Variants in TBX15 observed in about 807,000 individuals in gnomAD.
TBX15 encodes the protein T-box transcription factor 15, also known as T-box transcription factor TBX15.
A neutral mutation model predicts 53.9 loss-of-function variants in TBX15; 18 were observed. That is an observed-to-expected ratio of 0.33 (90% CI 0.23 to 0.49). The LOEUF (loss-of-function observed/expected upper bound fraction) is 0.49, where lower values mean the gene tolerates loss of function less well. Ranked by LOEUF, TBX15 falls within the 20% of genes least tolerant of loss-of-function variation. The probability of loss-of-function intolerance (pLI) is 0.98; values close to 1 mark genes in which losing one functional copy is unlikely to be tolerated. For missense variants in TBX15, 692 were observed against 749.5 expected (o/e 0.92, Z 0.90); for synonymous variants, 295 against 278.0 (o/e 1.06, Z -0.61).
At chr1:118,951,484 C>A (rs554486813) in intron 1 of TBX15, among the ~76,000 whole-genome samples, 15 of 152,330 alleles carry the variant, frequency 9.8e-5, no homozygotes, top group Admixed American at 7.2e-4. Context: ...GAGCCCAGGG[C>A]AGGAGAGGCA....
intron 1 of TBX15, among the ~76,000 whole-genome samples, chr1:118,968,149 GA>G: frequency 6.6e-6 from 1 of 152,256 alleles, no homozygotes; most frequent in South Asian, 2.1e-4. Context: ...GAATTCCTAA[GA>G]AAAAGAGTGG....
chr1:118,920,228 G>A (rs753582828), intron 5 of TBX15, among the ~76,000 whole-genome samples: 2 of 152,144 alleles, frequency 1.3e-5, no homozygotes, highest in Non-Finnish European at 2.9e-5. Flanking sequence ...GATTGGACAT[G>A]CAAGCCAAAG....
At chr1:118,918,757 G>A (rs755963961) in intron 5 of TBX15, among the ~76,000 whole-genome samples, 4 of 152,118 alleles carry the variant, frequency 2.6e-5, no homozygotes, top group Admixed American at 1.3e-4. Context: ...TAGTAACATG[G>A]AGGCAGTTAA....
Position 118,884,588 on chromosome 1 carries a change from GTA to G in TBX15, c.*142_*143del. 1 of 973,708 alleles carries G rather than the reference GTA, an allele frequency of 1.0e-6. No homozygotes were observed. Among genetic ancestry groups the G allele is most frequent in the South Asian group, 1.7e-5 (1 of 58,968 alleles). The allele number at this position is 973,708 out of a possible 1,614,324, so 60.3% of individuals were successfully genotyped here. ...GCTTAAAGGTATCTCTTGTTCTTGGGTATATGTCTTCGGCCAGAAAAAAAAAA... is the reference window on the plus strand; with the variant it reads ...GCTTAAAGGTATCTCTTGTTCTTGGGTATGTCTTCGGCCAGAAAAAAAAAA... On this transcript the variant is annotated 3_prime_UTR_variant, in exon 8 of 8. Transcript: ENST00000369429.
Position 118,884,239 on chromosome 1 carries a change from A to G in TBX15, c.*493T>C. Reference sequence around the variant, plus strand: ...TTGTACACAGACAAATTCTTGGTGAAAGCACCCATTCTGGGCCTCCCTCCA... The same window carrying G: ...TTGTACACAGACAAATTCTTGGTGAGAGCACCCATTCTGGGCCTCCCTCCA... On this transcript the variant is annotated 3_prime_UTR_variant, in exon 8 of 8. Transcript: ENST00000369429. The G allele has an allele frequency of 1.2e-5, 2 of 170,348 alleles. No homozygotes were observed. 10.6% of individuals were successfully genotyped at this position (170,348 alleles called of 1,614,324 possible).
Position 118,918,441 on chromosome 1 carries a change from C to G in TBX15, c.862-4262G>C, listed in dbSNP as rs140479954. ...TTCAGAGAATCTAGACCAAACAATG[C>G]TCTTGATTCTATTTGCTTTCACTGG... is the stretch of plus-strand genomic sequence containing the variant. On this transcript the variant is annotated intron_variant, in intron 5 of 7. Coordinates refer to ENST00000369429, the MANE Select transcript of TBX15 (RefSeq NM_001330677.2). Among the ~76,000 whole-genome samples the G allele has an allele frequency of 2.2e-4, 34 of 152,182 alleles. 2 individuals are homozygous for G. In the East Asian group the frequency reaches 6.6e-3, roughly 29 times the overall value.
intron 1 of TBX15, among the ~76,000 whole-genome samples, chr1:118,939,787 C>G (rs889077896): frequency 6.6e-6 from 1 of 151,820 alleles, no homozygotes; most frequent in Non-Finnish European, 1.5e-5. Context: ...AAAGTTTCAA[C>G]CTCTAGTGAT....
chr1:118,956,201 T>G (rs555546842), intron 1 of TBX15, among the ~76,000 whole-genome samples: 18 of 152,254 alleles, frequency 1.2e-4, no homozygotes, highest in African/African-American at 4.3e-4. Context: ...TATAAGCTAC[T>G]CAGTTCATGG....
rs532279268 is a variant in TBX15, at chr1:118,917,852, T to A, written c.862-3673A>T. On this transcript the variant is annotated intron_variant, in intron 5 of 7. Transcript: ENST00000369429. ...CTCAGAATTTAATCCAAATTCCTTG[T>A]CTAGCTTTGCAGAGCCAGCAGGCCC... Among the ~76,000 whole-genome samples the A allele has an allele frequency of 2.2e-4, 34 of 152,318 alleles. No homozygotes were observed. In the South Asian group the frequency reaches 7.0e-3, roughly 32 times the overall value.
Position 118,931,653 on chromosome 1 carries a change from T to A in TBX15, c.385A>T (p.Ile129Phe). 1 of 1,614,158 alleles carries A rather than the reference T, an allele frequency of 6.2e-7. No individual in the cohort carries two copies. The highest frequency in any genetic ancestry group is 1.1e-5 in the South Asian group (1 of 91,084). The stretch of plus-strand genomic sequence containing the variant: ...TTGGTGATGATCATTTCAGTTCCAA[T>A]ATCATGGAACCGCTTCCAGAGGTCA... Reference protein sequence around the residue: ...CADLWKRFHDIGTEMIITKAG... With the variant: ...CADLWKRFHDFGTEMIITKAG... The change falls in exon 2 of 8, where the codon ATT becomes TTT. Residue 129 changes from isoleucine (I) to phenylalanine (F), a missense_variant. This residue lies in a region of TBX15 where 307 missense variants were observed against 347.5 expected (regional missense o/e 0.88). Coordinates refer to ENST00000369429, the MANE Select transcript of TBX15 (RefSeq NM_001330677.2).
chr1:118,923,549 C>T lies in TBX15; in HGVS notation c.748G>A (p.Asp250Asn), dbSNP rs199701328. The change falls in exon 5 of 8, where the codon GAC (aspartate) becomes AAC (asparagine). Residue 250 changes from aspartate (D) to asparagine (N), a missense_variant. Transcript: ENST00000369429. ...GTGGGTGAAAGGTCACTGCTGAAGT[C>T]TTTGCGAATCACATGAACTCGAGGC... ...YQPRVHVIRK[D>N]FSSDLSPTKP... 209 of 1,613,876 alleles carry T rather than the reference C, an allele frequency of 1.3e-4. No homozygotes were observed. Among genetic ancestry groups the T allele is most frequent in the Non-Finnish European group, 1.7e-4 (197 of 1,179,940 alleles).
intron 4 of TBX15, among the ~76,000 whole-genome samples, chr1:118,923,844 A>G (rs1393905940): frequency 1.3e-5 from 2 of 152,210 alleles, no homozygotes; most frequent in African/African-American, 4.8e-5. Flanking sequence ...GTTTGCTTCA[A>G]TTGGATAATG....
At chr1:118,950,330 C>A (rs1656476979) in intron 1 of TBX15, among the ~76,000 whole-genome samples, 1 of 152,132 alleles carries the variant, frequency 6.6e-6, no homozygotes, top group Non-Finnish European at 1.5e-5. Context: ...TGAGAAGAGA[C>A]AAAGACAGGA....
Position 118,883,054 on chromosome 1 carries a change from C to T in TBX15, c.*1678G>A, listed in dbSNP as rs545320518. Reference sequence around the variant, plus strand: ...TGAACAAACATGCAGAAAACAATTGCAAAGATTTTATTTAGCGGCTTTCTG... The same window carrying T: ...TGAACAAACATGCAGAAAACAATTGTAAAGATTTTATTTAGCGGCTTTCTG... On this transcript the variant is annotated 3_prime_UTR_variant, in exon 8 of 8. Coordinates refer to ENST00000369429, the MANE Select transcript of TBX15 (RefSeq NM_001330677.2). 2.0e-5 allele frequency: 3 copies of T among 152,696 alleles called. No individual in the cohort carries two copies. The East Asian group carries it at 5.8e-4, about 29-fold the overall frequency. The allele number at this position is 152,696 out of a possible 1,614,324, so 9.5% of individuals were successfully genotyped here. A position where few individuals can be genotyped will look rare whatever the true frequency, so the allele number is the denominator to read the frequency against.
intron 1 of TBX15, among the ~76,000 whole-genome samples, chr1:118,959,589 C>T (rs934475053): frequency 1.3e-5 from 2 of 152,156 alleles, no homozygotes. Flanking sequence ...TGTGTTTTCC[C>T]TAAAACCACC....
intron 2 of TBX15, among the ~76,000 whole-genome samples, chr1:118,929,925 C>T (rs1000554932): frequency 1.3e-5 from 2 of 152,098 alleles, no homozygotes; most frequent in African/African-American, 4.8e-5. Flanking sequence ...AAAAAATTTC[C>T]TTGAGTTACT....
intron 3 of TBX15, among the ~76,000 whole-genome samples, chr1:118,925,780 G>T (rs1450995040): frequency 2.0e-5 from 3 of 152,144 alleles, no homozygotes; most frequent in Non-Finnish European, 1.5e-5. Context: ...ACTAGTCCTG[G>T]CCTTTTTCAT....
chr1:118,893,258 GA>G (rs1571149366), intron 7 of TBX15, among the ~76,000 whole-genome samples: 6 of 130,840 alleles, frequency 4.6e-5, no homozygotes, highest in East Asian at 4.4e-4. Flanking sequence ...AAGAAAGGAA[GA>G]AAGAAAGGAA....
In TBX15 at chr1:118,952,402, G is replaced by A. The variant is rs1428779216; in HGVS notation, c.206-20570C>T. 2.0e-5 allele frequency among the ~76,000 whole-genome samples: 3 copies of A among 149,862 alleles called. No individual in the cohort carries two copies. The East Asian group carries it at 5.8e-4, about 29-fold the overall frequency. On this transcript the variant is annotated intron_variant, in intron 1 of 7. Transcript: ENST00000369429. ...ACATTTTTCAAGGGTCAATAATACAGAAAGAAAAATTTAGAAAAAAAATAA... is the reference window on the plus strand; with the variant it reads ...ACATTTTTCAAGGGTCAATAATACAAAAAGAAAAATTTAGAAAAAAAATAA...
Sources: allele counts gnomAD v4.1 joint callset (sites outside exome capture counted in the v4.1 genomes callset), GRCh38; gene constraint gnomAD v4.1.1; regional missense constraint gnomAD v4.1.1; transcripts MANE v1.5; gene names NCBI Gene and HGNC (gene_info 2026-07-23, HGNC 2026-07-21).